The following FANCA variants were observed in gnomAD, a reference collection of about 807,000 sequenced individuals.
The protein encoded by FANCA is FA complementation group A.
A neutral mutation model predicts 194.3 loss-of-function variants in FANCA; 236 were observed. That is an observed-to-expected ratio of 1.21 (90% CI 1.09 to 1.35). The LOEUF (loss-of-function observed/expected upper bound fraction) is 1.35, where lower values mean the gene tolerates loss of function less well. FANCA is among the 40% of genes most tolerant of loss of function. The probability of loss-of-function intolerance (pLI) is 0.00; values close to 1 mark genes in which losing one functional copy is unlikely to be tolerated. For missense variants in FANCA, 2,628 were observed against 1,813.9 expected (o/e 1.45, Z -8.15); for synonymous variants, 1,014 against 715.8 (o/e 1.42, Z -6.65).
chr16:89,776,943 G>A (rs897271799), intron 20 of FANCA, among the ~76,000 whole-genome samples: 2 of 152,288 alleles, frequency 1.3e-5, no homozygotes, highest in East Asian at 3.9e-4. Flanking sequence ...CAGGTACAGT[G>A]GCTCATATTT....
chr16:89,791,943 C>T lies in FANCA; in HGVS notation c.1209G>A (p.Ala403=), dbSNP rs773318145. The T allele has an allele frequency of 2.0e-5, 32 of 1,614,016 alleles. No homozygotes were observed. The East Asian group carries it at 5.3e-4, about 27-fold the overall frequency. Residue 403 remains alanine, a synonymous_variant, in exon 13 of 43, where the codon GCG becomes GCA. Coordinates refer to ENST00000389301, the MANE Select transcript of FANCA (RefSeq NM_000135.4). ...AAAGCTCACCTTCAAGCAGCTGCTGCGCTTCTGGAAAGCAGACAACCAGGG... is the reference window on the plus strand; with the variant it reads ...AAAGCTCACCTTCAAGCAGCTGCTGTGCTTCTGGAAAGCAGACAACCAGGG... The part of the protein sequence containing the change: ...VSALVVCFPE[A]QQLLEDWVAR...
intron 32 of FANCA, 33 bp from the exon 33 acceptor site, chr16:89,748,800 C>A (rs1455964338): frequency 1.3e-6 from 2 of 1,556,116 alleles, no homozygotes; most frequent in South Asian, 2.2e-5. Flanking sequence ...GTGGCGACAG[C>A]ACAGCGTACA....
Position 89,773,324 on chromosome 16 carries a change from G to C in FANCA, c.1961C>G (p.Thr654Arg), listed in dbSNP as rs745517164. Residue 654 changes from threonine (T) to arginine (R), a missense_variant, in exon 22 of 43, where the codon ACA (threonine) becomes AGA (arginine). Thr to Arg is a moderately conservative substitution (Grantham distance 71, BLOSUM62 -1). Coordinates refer to ENST00000389301, the MANE Select transcript of FANCA (RefSeq NM_000135.4). ...GGCTCTCAGCTCTCCCAGTGCAGCT[G>C]TGAGCTGTCCCAGGGGCTCCTCAGC... is the stretch of plus-strand genomic sequence containing the variant. ...NSAEEPLGQL[T>R]AALGELRASM... 1 of 1,551,588 alleles carries C rather than the reference G, an allele frequency of 6.4e-7. No individual in the cohort carries two copies. The highest frequency in any genetic ancestry group is 1.4e-5 in the African/African-American group (1 of 73,160).
intron 30 of FANCA, among the ~76,000 whole-genome samples, chr16:89,754,987 T>G (rs924392639): frequency 1.3e-5 from 2 of 152,094 alleles, no homozygotes; most frequent in Non-Finnish European, 2.9e-5. Context: ...CTTCCCAATT[T>G]TAAAACCTAC....
At position 89,806,991 on chromosome 16, in the gene FANCA, C is replaced by T. The variant is rs2040679470; in HGVS notation, c.596+1303G>A. Among the ~76,000 whole-genome samples, 2 of 152,196 alleles carry T rather than the reference C, an allele frequency of 1.3e-5. 1 individual carries two copies. The highest frequency in any genetic ancestry group is 4.1e-4 in the South Asian group (2 of 4,820). On this transcript the variant is annotated intron_variant, in intron 6 of 42. Transcript: ENST00000389301. ...GCCGGGCGGGGGGCTGACTCCCCCA[C>T]CTCCCTCCCGGACGGGGCGGCTGTT...
At chr16:89,800,587 G>C (rs937694101) in intron 8 of FANCA, among the ~76,000 whole-genome samples, 2 of 152,130 alleles carry the variant, frequency 1.3e-5, no homozygotes, top group Admixed American at 6.5e-5. Context: ...ATAGAACACA[G>C]ATAAGCAAAG....
intron 27 of FANCA, 109 bp downstream of exon 27, chr16:89,767,032 G>T: frequency 1.1e-6 from 1 of 889,712 alleles, no homozygotes; most frequent in Non-Finnish European, 1.9e-6. Flanking sequence ...CCCAGGAGCT[G>T]CCCCTGAGAT....
intron 39 of FANCA, 33 bp downstream of exon 39, chr16:89,739,961 T>A: frequency 6.2e-7 from 1 of 1,612,292 alleles, no homozygotes; most frequent in Non-Finnish European, 8.5e-7. Context: ...AGAGCGGCCC[T>A]CCGCATTTGT....
At chr16:89,811,545 G>C (rs1168499869) in intron 3 of FANCA, among the ~76,000 whole-genome samples, 1 of 152,152 alleles carries the variant, frequency 6.6e-6, no homozygotes, top group Non-Finnish European at 1.5e-5. Context: ...GGCAGGTGCA[G>C]TCACAGCTGT....
chr16:89,808,119 T>C (rs1567650559), intron 6 of FANCA, among the ~76,000 whole-genome samples, 175 bp downstream of exon 6: 1 of 151,726 alleles, frequency 6.6e-6, no homozygotes, highest in African/African-American at 2.4e-5. Flanking sequence ...CTTGAAATAA[T>C]AAAGCAATAG....
intron 5 of FANCA, among the ~76,000 whole-genome samples, chr16:89,809,210 A>G (rs937994726): frequency 6.6e-6 from 1 of 151,400 alleles, no homozygotes; most frequent in African/African-American, 2.4e-5. Context: ...CCGGCCCCTA[A>G]CTCGCACTCT....
At chr16:89,776,656 T>A (rs2039516681) in intron 20 of FANCA, among the ~76,000 whole-genome samples, 2 of 151,528 alleles carry the variant, frequency 1.3e-5, no homozygotes, top group Admixed American at 6.6e-5. Flanking sequence ...TGAAACCCTG[T>A]GTCTACTAAA....
intron 17 of FANCA, among the ~76,000 whole-genome samples, chr16:89,781,080 G>A (rs1219640774): frequency 1.3e-5 from 2 of 152,008 alleles, no homozygotes; most frequent in Admixed American, 1.3e-4. Flanking sequence ...GTAAAGAATG[G>A]AGGGCCAGGC....
Position 89,738,651 on chromosome 16 carries a change from G to A in FANCA, c.4318C>T (p.Gln1440Ter), listed in dbSNP as rs767234774. Residue 1440 changes from glutamine (Q) to a stop codon, truncating the protein, a stop_gained, in exon 43 of 43, where the codon CAG becomes TAG. Transcript: ENST00000389301. LOFTEE classifies it low-confidence loss of function (END_TRUNC). ...PEVSAALQSR[Q>*]QAAPDADLSQ... is the part of the protein sequence containing the mutation. ...AGGTCAGCGTCAGGGGCAGCCTGCT[G>A]TCTGCTCTGGAGGGCGGCGCTCACC... 3.7e-6 allele frequency: 6 copies of A among 1,613,596 alleles called. No homozygotes were observed. Among genetic ancestry groups the A allele is most frequent in the Non-Finnish European group, 4.2e-6 (5 of 1,180,034 alleles).
At chr16:89,778,627 TAAAA>T (rs397693835) in intron 20 of FANCA, among the ~76,000 whole-genome samples, 170 bp downstream of exon 20, 6 of 29,912 alleles carry the variant, frequency 2.0e-4, no homozygotes, top group Admixed American at 5.2e-4. Context: ...AGACTCCAAC[TAAAA>T]AAAAAAAAAA....
chr16:89,776,170 T>TC (rs1225991082), intron 20 of FANCA, among the ~76,000 whole-genome samples: 3 of 139,388 alleles, frequency 2.2e-5, no homozygotes, highest in East Asian at 2.0e-4. Context: ...TTTTTTTTTT[T>TC]TTTTTTTTTT....
chr16:89,748,634 G>A lies in FANCA; in HGVS notation c.3348+25C>T, dbSNP rs754076980. The A allele has an allele frequency of 1.1e-5, 18 of 1,567,352 alleles. 1 individual carries two copies. Among genetic ancestry groups the A allele is most frequent in the South Asian group, 7.8e-5 (7 of 90,130 alleles). ...CGCCACAGGCACTGACAGATCGGAC[G>A]GACACGTGCACACGGGGCACCTACC... On this transcript the variant is annotated intron_variant, in intron 33 of 42. Coordinates refer to ENST00000389301, the MANE Select transcript of FANCA (RefSeq NM_000135.4).
chr16:89,774,547 G>A (rs1245932312), intron 21 of FANCA, among the ~76,000 whole-genome samples: 2 of 151,124 alleles, frequency 1.3e-5, no homozygotes, highest in Non-Finnish European at 3.0e-5. Flanking sequence ...TGGCTAACAC[G>A]GTGAAACCCT....
At chr16:89,751,478 A>C (rs2038588722) in intron 31 of FANCA, among the ~76,000 whole-genome samples, 1 of 152,120 alleles carries the variant, frequency 6.6e-6, no homozygotes, top group Admixed American at 6.5e-5. Context: ...TCCCAATAAT[A>C]ATAATAATTA....
Sources: allele counts gnomAD v4.1 joint callset (sites outside exome capture counted in the v4.1 genomes callset), GRCh38; gene constraint gnomAD v4.1.1; transcripts MANE v1.5; gene names NCBI Gene and HGNC (gene_info 2026-07-23, HGNC 2026-07-21).